STX8: variants seen among roughly 807,000 people sequenced by gnomAD.
STX8 encodes the protein syntaxin 8.
In STX8, 23 loss-of-function variants were observed where a neutral mutation model predicts 37.5. The ratio of observed to expected loss-of-function variants is 0.61; its 90% CI spans 0.44 to 0.87. STX8 has a LOEUF of 0.87. Ranked by LOEUF, STX8 falls within the 40% of genes least tolerant of loss-of-function variation. The pLI is 0.00. For missense variants in STX8, 313 were observed against 284.7 expected (o/e 1.10, Z -0.71); for synonymous variants, 115 against 99.1 (o/e 1.16, Z -0.95).
intron 7 of STX8, among the ~76,000 whole-genome samples, chr17:9,351,983 C>CTACAAAAAA (rs1361639894): frequency 6.6e-6 from 1 of 151,786 alleles, no homozygotes; most frequent in East Asian, 1.9e-4. Flanking sequence ...ACCCCCATCT[C>CTACAAAAAA]TACAAAAAAT....
At chr17:9,370,792 AC>A (rs1204693426) in intron 7 of STX8, among the ~76,000 whole-genome samples, 1 of 152,176 alleles carries the variant, frequency 6.6e-6, no homozygotes, top group Admixed American at 6.5e-5. Flanking sequence ...AGGACCAAGC[AC>A]ACTGAATATT....
intron 7 of STX8, among the ~76,000 whole-genome samples, chr17:9,351,914 C>A (rs1262056556): frequency 6.6e-6 from 1 of 151,800 alleles, no homozygotes; most frequent in Non-Finnish European, 1.5e-5. Context: ...TTTGGGAGGC[C>A]GACTTGGGAG....
At chr17:9,481,267 C>A (rs1906329130) in intron 6 of STX8, among the ~76,000 whole-genome samples, 2 of 152,234 alleles carry the variant, frequency 1.3e-5, no homozygotes, top group Non-Finnish European at 2.9e-5. Context: ...CAGCATAGCT[C>A]TTCCGGGTTA....
intron 6 of STX8, among the ~76,000 whole-genome samples, chr17:9,381,746 G>A (rs559540353): frequency 1.4e-4 from 21 of 152,294 alleles, no homozygotes; most frequent in African/African-American, 4.3e-4. Context: ...CGAGGCGGGC[G>A]GATCACAAGG....
intron 7 of STX8, among the ~76,000 whole-genome samples, chr17:9,316,989 A>C (rs1033948933): frequency 6.6e-6 from 1 of 152,208 alleles, no homozygotes; most frequent in African/African-American, 2.4e-5. Flanking sequence ...GAATAGGAAA[A>C]GACAGTCGGT....
rs1031396249 is a variant in STX8 at position 9,354,570 on chromosome 17, T to A, written c.643+23982A>T. Reference sequence around the variant, plus strand: ...CTCCTAATCTCATGATCCGCCTGCCTCGGCCTCCCAAAGTGCTGGGATTAC... The same window carrying A: ...CTCCTAATCTCATGATCCGCCTGCCACGGCCTCCCAAAGTGCTGGGATTAC... On this transcript the variant is annotated intron_variant, in intron 7 of 7. Coordinates refer to ENST00000306357, the MANE Select transcript of STX8 (RefSeq NM_004853.3). Among the ~76,000 whole-genome samples the A allele has an allele frequency of 6.6e-5, 10 of 152,218 alleles. No homozygotes were observed. The South Asian group carries it at 1.5e-3, about 22-fold the overall frequency.
chr17:9,503,279 CAGAA>C (rs1422609234), intron 5 of STX8, among the ~76,000 whole-genome samples: 9 of 151,896 alleles, frequency 5.9e-5, no homozygotes, highest in South Asian at 4.2e-4. Flanking sequence ...TTTATAGTGA[CAGAA>C]AGAAGTTCAG....
intron 6 of STX8, among the ~76,000 whole-genome samples, chr17:9,415,647 T>C (rs1913162149): frequency 6.6e-6 from 1 of 152,106 alleles, no homozygotes; most frequent in East Asian, 1.9e-4. Context: ...CAGGCGCCTG[T>C]AGTCCCAGCT....
chr17:9,461,646 G>C (rs1237925004), intron 6 of STX8, among the ~76,000 whole-genome samples: 1 of 152,124 alleles, frequency 6.6e-6, no homozygotes, highest in Admixed American at 6.6e-5. Flanking sequence ...TGGGCACCAG[G>C]GACCAGTTTC....
intron 7 of STX8, among the ~76,000 whole-genome samples, chr17:9,251,611 G>T (rs899127762): frequency 6.6e-6 from 1 of 152,210 alleles, no homozygotes; most frequent in African/African-American, 2.4e-5. Context: ...CGTGTGCAGG[G>T]TCACATGGTT....
chr17:9,257,507 G>A (rs977965703), intron 7 of STX8, among the ~76,000 whole-genome samples: 1 of 152,170 alleles, frequency 6.6e-6, no homozygotes, highest in Non-Finnish European at 1.5e-5. Flanking sequence ...GACTTTTCGA[G>A]AGAGTGTGGA....
At chr17:9,525,241 T>C (rs1905514132) in intron 4 of STX8, among the ~76,000 whole-genome samples, 1 of 151,380 alleles carries the variant, frequency 6.6e-6, no homozygotes, top group African/African-American at 2.5e-5. Context: ...CTACCACCCT[T>C]GAAAAAGCAG....
chr17:9,481,710 G>A lies in STX8; in HGVS notation c.541+10119C>T, dbSNP rs374669477. Among the ~76,000 whole-genome samples the A allele has an allele frequency of 5.3e-5, 8 of 152,284 alleles. No individual in the cohort carries two copies. The South Asian group carries it at 1.2e-3, about 24-fold the overall frequency. On this transcript the variant is annotated intron_variant, in intron 6 of 7. Coordinates refer to ENST00000306357, the MANE Select transcript of STX8 (RefSeq NM_004853.3). ...CAGTCCATGGCCTGTTAGGAACCGAGCCACACAGCAGGACGTGAGCAGCAG... is the reference window on the plus strand; with the variant it reads ...CAGTCCATGGCCTGTTAGGAACCGAACCACACAGCAGGACGTGAGCAGCAG...
intron 7 of STX8, among the ~76,000 whole-genome samples, chr17:9,364,141 T>G (rs1220253911): frequency 6.6e-6 from 1 of 152,134 alleles, no homozygotes; most frequent in Admixed American, 6.6e-5. Flanking sequence ...CCAAACCCCA[T>G]GAGCAATCGC....
At chr17:9,427,326 CTGTG>C (rs1913671807) in intron 6 of STX8, among the ~76,000 whole-genome samples, 1 of 152,166 alleles carries the variant, frequency 6.6e-6, no homozygotes, top group Non-Finnish European at 1.5e-5. Flanking sequence ...CCCGAGTCTG[CTGTG>C]TGATGCCAGG....
chr17:9,474,730 T>C (rs907189151), intron 6 of STX8, among the ~76,000 whole-genome samples: 9 of 152,212 alleles, frequency 5.9e-5, no homozygotes, highest in African/African-American at 2.2e-4. Flanking sequence ...CCCAGCACTT[T>C]GGGAGGCTGA....
At chr17:9,342,564 G>A (rs1254287679) in intron 7 of STX8, among the ~76,000 whole-genome samples, 1 of 152,166 alleles carries the variant, frequency 6.6e-6, no homozygotes, top group African/African-American at 2.4e-5. Flanking sequence ...AAGAACAGTG[G>A]TGCCAAACAC....
rs563573301 is a variant in STX8 at position 9,461,774 on chromosome 17, A to T, written c.541+30055T>A. On this transcript the variant is annotated intron_variant, in intron 6 of 7. Transcript: ENST00000306357. The stretch of plus-strand genomic sequence containing the variant: ...TTATTATTATAATATATAATGAAAT[A>T]ATTCTACAACTCACCATCATGTAGA... Among the ~76,000 whole-genome samples the T allele has an allele frequency of 2.6e-3, 394 of 152,254 alleles. 1 individual carries two copies. Among genetic ancestry groups the T allele is most frequent in the Non-Finnish European group, 4.5e-3 (306 of 68,028 alleles).
intron 7 of STX8, among the ~76,000 whole-genome samples, chr17:9,316,231 CTTGT>C (rs1456345885): frequency 1.3e-5 from 2 of 151,944 alleles, no homozygotes; most frequent in African/African-American, 4.8e-5. Flanking sequence ...TATATTTGGC[CTTGT>C]TTAATTTCCT....
Sources: allele counts gnomAD v4.1 joint callset (sites outside exome capture counted in the v4.1 genomes callset), GRCh38; gene constraint gnomAD v4.1.1; transcripts MANE v1.5; gene names NCBI Gene and HGNC (gene_info 2026-07-23, HGNC 2026-07-21).